ATP9B: variants seen among roughly 807,000 people sequenced by gnomAD.
The protein encoded by ATP9B is probable phospholipid-transporting ATPase IIB.
In ATP9B, 110 loss-of-function variants were observed where a neutral mutation model predicts 146.1. That is an observed-to-expected ratio of 0.75 (90% CI 0.65 to 0.88). ATP9B has a LOEUF of 0.88. Among genes scored for constraint, ATP9B ranks in the 40% least tolerant of loss-of-function variants. The pLI is 0.00. For missense variants in ATP9B, 1,499 were observed against 1,496.4 expected, an observed-to-expected ratio of 1.00 and a Z score of -0.03; for synonymous variants, 604 against 569.7, an observed-to-expected ratio of 1.06 and a Z score of -0.86.
At chr18:79,172,868 A>T (rs528052786) in intron 7 of ATP9B, among the ~76,000 whole-genome samples, 91 of 152,374 alleles carry the variant, frequency 6.0e-4, no homozygotes, top group Admixed American at 9.8e-4. Flanking sequence ...TTTTGTGGAC[A>T]TAAGTTTTTA....
intron 5 of ATP9B, 89 bp from the exon 6 acceptor site, chr18:79,143,713 T>C: frequency 1.2e-6 from 1 of 826,218 alleles, no homozygotes; most frequent in Non-Finnish European, 1.8e-6. Context: ...TTCTGTAGCT[T>C]ATTTCTAAAG....
At chr18:79,094,308 C>T (rs188025958) in intron 1 of ATP9B, among the ~76,000 whole-genome samples, 80 of 152,316 alleles carry the variant, frequency 5.3e-4, no homozygotes, top group Non-Finnish European at 1.0e-3. Flanking sequence ...GGGCATCCCT[C>T]GTCCAGCTTT....
intron 12 of ATP9B, among the ~76,000 whole-genome samples, chr18:79,276,734 T>C (rs1315976824): frequency 4.6e-5 from 7 of 152,264 alleles, no homozygotes; most frequent in African/African-American, 1.7e-4. Flanking sequence ...TTATCTTGGG[T>C]GTAAACATGT....
intron 11 of ATP9B, among the ~76,000 whole-genome samples, chr18:79,230,353 A>G (rs2095779371): frequency 6.6e-6 from 1 of 152,200 alleles, no homozygotes; most frequent in Admixed American, 6.5e-5. Flanking sequence ...GAACTAGTGA[A>G]TGAATTCAGC....
chr18:79,284,648 T>A lies in ATP9B; in HGVS notation c.1411+7452T>A, dbSNP rs187709307. Among the ~76,000 whole-genome samples, 390 of 152,208 alleles carry A rather than the reference T, an allele frequency of 2.6e-3. 5 individuals are homozygous for A. The highest frequency in any genetic ancestry group is 8.9e-3 in the African/African-American group (371 of 41,508). ...TTTTTTATTATTATTATACTTTAAG[T>A]TTTAGGGTACATGTGCACAATGTGC... On this transcript the variant is annotated intron_variant, in intron 13 of 29. Coordinates refer to ENST00000426216, the MANE Select transcript of ATP9B (RefSeq NM_198531.5).
At chr18:79,089,926 A>G (rs1361259324) in intron 1 of ATP9B, among the ~76,000 whole-genome samples, 1 of 152,084 alleles carries the variant, frequency 6.6e-6, no homozygotes, top group Non-Finnish European at 1.5e-5. Flanking sequence ...CCCACTCTCC[A>G]CTACCCTTCC....
intron 13 of ATP9B, among the ~76,000 whole-genome samples, chr18:79,279,079 G>A (rs2096346996): frequency 1.3e-5 from 2 of 152,176 alleles, no homozygotes; most frequent in South Asian, 4.2e-4. Context: ...TGTGTGGGGT[G>A]GCACGGGAAG....
At chr18:79,141,486 G>C (rs988419190) in intron 5 of ATP9B, among the ~76,000 whole-genome samples, 1 of 152,128 alleles carries the variant, frequency 6.6e-6, no homozygotes, top group African/African-American at 2.4e-5. Flanking sequence ...ATAGTATATT[G>C]AATAGGATAG....
At chr18:79,100,884 AGAC>A (rs2075224295) in intron 2 of ATP9B, among the ~76,000 whole-genome samples, 1 of 152,166 alleles carries the variant, frequency 6.6e-6, no homozygotes, top group Non-Finnish European at 1.5e-5. Flanking sequence ...AGATCTCGTG[AGAC>A]TCATTCACTA....
At chr18:79,356,824 TGTGTGAGGGATG>T (rs2096956925) in intron 25 of ATP9B, among the ~76,000 whole-genome samples, 2 of 113,016 alleles carry the variant, frequency 1.8e-5, no homozygotes, top group Non-Finnish European at 3.9e-5. Context: ...TGGAGGTGTC[TGTGTGAGGGATG>T]CTCTGGGTCT....
At chr18:79,253,877 G>GCCACACAGT (rs534085430) in intron 12 of ATP9B, 104 of 196,878 alleles carry the variant, frequency 5.3e-4, no homozygotes, top group Middle Eastern at 3.9e-3. Flanking sequence ...AATGTCCAGT[G>GCCACACAGT]CCCTTTGATC....
chr18:79,138,774 TA>T (rs796077711), intron 5 of ATP9B, among the ~76,000 whole-genome samples: 6,832 of 139,618 alleles, frequency 0.049, 131 homozygotes, highest in Middle Eastern at 0.056. Flanking sequence ...GTTCTTACAT[TA>T]AAAAAAAAAA....
At chr18:79,328,583 T>C (rs1461511292) in intron 15 of ATP9B, among the ~76,000 whole-genome samples, 1 of 152,218 alleles carries the variant, frequency 6.6e-6, no homozygotes, top group African/African-American at 2.4e-5. Context: ...ACTTTCACAC[T>C]TGGGCTTAGA....
At chr18:79,070,370 T>C (rs1419751747) in intron 1 of ATP9B, among the ~76,000 whole-genome samples, 1 of 152,258 alleles carries the variant, frequency 6.6e-6, no homozygotes, top group East Asian at 1.9e-4. Context: ...TGGAATGTTA[T>C]AACGCTGATT....
chr18:79,101,337 T>C (rs1380646813), intron 2 of ATP9B, among the ~76,000 whole-genome samples: 1 of 152,214 alleles, frequency 6.6e-6, no homozygotes, highest in Non-Finnish European at 1.5e-5. Flanking sequence ...TGTTCTATTT[T>C]TTTTCCATAT....
chr18:79,306,326 G>A (rs1039147791), intron 14 of ATP9B, among the ~76,000 whole-genome samples: 2 of 152,186 alleles, frequency 1.3e-5, no homozygotes, highest in Admixed American at 6.5e-5. Context: ...TGGTGGTGCC[G>A]ATGAAATCTC....
At chr18:79,328,328 T>C (rs1272880218) in intron 15 of ATP9B, among the ~76,000 whole-genome samples, 3 of 152,248 alleles carry the variant, frequency 2.0e-5, no homozygotes, top group Non-Finnish European at 4.4e-5. Context: ...AATAATACTT[T>C]TTGTCATAAA....
In ATP9B at chr18:79,074,825, A is replaced by T. The variant is rs74502194; in HGVS notation, c.119+5296A>T. ...AATGGGTCTGTGGCATTTTGTCTGGACCAGAAGTTGTGCTTCTACATTATT... is the reference window on the plus strand; with the variant it reads ...AATGGGTCTGTGGCATTTTGTCTGGTCCAGAAGTTGTGCTTCTACATTATT... On this transcript the variant is annotated intron_variant, in intron 1 of 29. Transcript: ENST00000426216. Among the ~76,000 whole-genome samples, 458 of 152,304 alleles carry T rather than the reference A, an allele frequency of 3.0e-3. 13 individuals carry two copies. The East Asian group carries it at 0.073, about 24-fold the overall frequency.
intron 1 of ATP9B, among the ~76,000 whole-genome samples, chr18:79,093,510 G>A (rs2074523582): frequency 6.6e-6 from 1 of 152,150 alleles, no homozygotes; most frequent in Non-Finnish European, 1.5e-5. Context: ...TGATTATGAT[G>A]TATCTTTATG....
Sources: allele counts gnomAD v4.1 joint callset (sites outside exome capture counted in the v4.1 genomes callset), GRCh38; gene constraint gnomAD v4.1.1; transcripts MANE v1.5; gene names NCBI Gene and HGNC (gene_info 2026-07-23, HGNC 2026-07-21).